The following EYS variants were observed in gnomAD, a reference collection of about 807,000 sequenced individuals.
EYS encodes the protein protein eyes shut homolog.
A neutral mutation model predicts 282.1 loss-of-function variants in EYS; 250 were observed. That is an observed-to-expected ratio of 0.89 (90% CI 0.80 to 0.98). The LOEUF is 0.98. Among genes scored for constraint, EYS ranks in the 50% least tolerant of loss-of-function variants. EYS has a pLI of 0.00. For missense variants in EYS, 4,016 were observed against 3,709.0 expected (o/e 1.08, Z -2.15); for synonymous variants, 1,355 against 1,282.9 (o/e 1.06, Z -1.20).
At chr6:64,326,229 T>A (rs1770417395) in intron 29 of EYS, among the ~76,000 whole-genome samples, 1 of 152,106 alleles carries the variant, frequency 6.6e-6, no homozygotes, top group Non-Finnish European at 1.5e-5. Context: ...AAAGAGAATA[T>A]TAACAGCCTG....
chr6:64,730,474 A>C (rs185280294), intron 22 of EYS, among the ~76,000 whole-genome samples: 509 of 152,088 alleles, frequency 3.3e-3, no homozygotes, highest in Non-Finnish European at 5.9e-3. Flanking sequence ...AACAACTTTT[A>C]CTTTTACTTA....
chr6:64,558,610 T>C (rs1029575076), intron 26 of EYS, among the ~76,000 whole-genome samples: 1 of 152,142 alleles, frequency 6.6e-6, no homozygotes, highest in African/African-American at 2.4e-5. Flanking sequence ...AATTCCCATC[T>C]CCAGGCCAGC....
intron 13 of EYS, among the ~76,000 whole-genome samples, chr6:65,007,124 T>C (rs1206159032): frequency 6.6e-6 from 1 of 151,978 alleles, no homozygotes; most frequent in Non-Finnish European, 1.5e-5. Flanking sequence ...GTAAAACAGA[T>C]GCAGGACTGC....
intron 12 of EYS, among the ~76,000 whole-genome samples, chr6:65,210,925 C>A (rs1239409593): frequency 7.4e-6 from 1 of 134,294 alleles, no homozygotes; most frequent in Non-Finnish European, 1.6e-5. Context: ...CCTATAAAGT[C>A]GTACAAACAC....
rs2150466493 is a variant in EYS, at chr6:64,439,327, T to C, written c.5670A>G (p.Gly1890=). 5 of 1,508,876 alleles carry C rather than the reference T, an allele frequency of 3.3e-6. No individual in the cohort carries two copies. Among genetic ancestry groups the C allele is most frequent in the Middle Eastern group, 1.7e-4 (1 of 5,848 alleles). 93.5% of individuals were successfully genotyped at this position (1,508,876 alleles called of 1,614,324 possible). A position where few individuals can be genotyped will look rare whatever the true frequency, so the allele number is the denominator to read the frequency against. The part of the protein sequence containing the change: ...ISDFSCVRYY[G]DSYLEFQNVA... Reference sequence around the variant, plus strand: ...CATTCTGAAATTCTAGATAAGAATCTCCATAATAACGAACACAACTGAAAT... The same window carrying C: ...CATTCTGAAATTCTAGATAAGAATCCCCATAATAACGAACACAACTGAAAT... Residue 1890 remains glycine, a synonymous_variant, in exon 27 of 43, where the codon GGA becomes GGG. Coordinates refer to ENST00000503581, the MANE Select transcript of EYS (RefSeq NM_001142800.2).
In EYS at chr6:63,984,385, G is replaced by A. The variant is rs377036936; in HGVS notation, c.7053C>T (p.Ile2351=). 1.3e-6 allele frequency: 2 copies of A among 1,545,392 alleles called. No homozygotes were observed. The highest frequency in any genetic ancestry group is 4.9e-5 in the East Asian group (2 of 40,822). ...HHLCRNNGTC[I]SDNENLFCEC... ...GGAATCAGGAGACTAATACTGACCT[G>A]ATGCAGGTGCCATTGTTGCGGCACA... The change falls in exon 35 of 43, where the codon ATC becomes ATT. Residue 2351 remains isoleucine (I), a splice_region_variant and synonymous_variant. Coordinates refer to ENST00000503581, the MANE Select transcript of EYS (RefSeq NM_001142800.2).
intron 12 of EYS, among the ~76,000 whole-genome samples, chr6:65,136,960 G>C (rs1035733777): frequency 8.5e-5 from 13 of 152,068 alleles, no homozygotes; most frequent in African/African-American, 3.1e-4. Flanking sequence ...GGGATTACAG[G>C]TGTGAGCCAC....
At chr6:64,819,089 C>A (rs1021185614) in intron 21 of EYS, among the ~76,000 whole-genome samples, 1 of 152,072 alleles carries the variant, frequency 6.6e-6, no homozygotes, top group African/African-American at 2.4e-5. Context: ...GCCTCTTTAG[C>A]CTTGAAAAAC....
chr6:64,613,559 T>C (rs757347721), intron 24 of EYS, among the ~76,000 whole-genome samples: 7 of 151,988 alleles, frequency 4.6e-5, no homozygotes, highest in Non-Finnish European at 8.8e-5. Flanking sequence ...CCCCCAAACA[T>C]TGGAGAGACA....
At chr6:64,455,695 A>G (rs2150481098) in intron 26 of EYS, among the ~76,000 whole-genome samples, 1 of 152,204 alleles carries the variant, frequency 6.6e-6, no homozygotes, top group African/African-American at 2.4e-5. Context: ...ATGAGTGAGA[A>G]CATGTGGTGT....
intron 35 of EYS, among the ~76,000 whole-genome samples, chr6:63,930,755 T>C (rs1194491485): frequency 6.6e-6 from 1 of 152,170 alleles, no homozygotes; most frequent in Non-Finnish European, 1.5e-5. Flanking sequence ...CCTCCAATAC[T>C]GCAGGAAAGT....
chr6:65,275,979 T>TA lies in EYS; in HGVS notation c.2023+19883dup, dbSNP rs201058528. Among the ~76,000 whole-genome samples, 282 of 151,622 alleles carry TA rather than the reference T, an allele frequency of 1.9e-3. 9 individuals are homozygous for TA. The East Asian group carries it at 0.043, about 23-fold the overall frequency. On this transcript the variant is annotated intron_variant, in intron 12 of 42. Transcript: ENST00000503581. Reference sequence around the variant, plus strand: ...GTATTCCACATAACACTGCTTCTAATAAAAAAACAAAACAAACAAACAAAC... The same window carrying TA: ...GTATTCCACATAACACTGCTTCTAATAAAAAAAACAAAACAAACAAACAAAC...
intron 22 of EYS, 118 bp downstream of exon 22, chr6:64,813,259 TA>T (rs1408458543): frequency 1.5e-6 from 1 of 647,450 alleles, no homozygotes. Context: ...CTTATATATA[TA>T]TAAGGTAAAA....
intron 29 of EYS, among the ~76,000 whole-genome samples, chr6:64,325,582 G>T (rs1770385281): frequency 6.6e-6 from 1 of 152,132 alleles, no homozygotes. Flanking sequence ...TGATTTACCT[G>T]AAAAAGAATT....
At chr6:65,174,141 A>G (rs1307766199) in intron 12 of EYS, among the ~76,000 whole-genome samples, 2 of 151,270 alleles carry the variant, frequency 1.3e-5, no homozygotes, top group African/African-American at 4.8e-5. Flanking sequence ...CACAAACCCA[A>G]CAGATGGTAA....
intron 26 of EYS, among the ~76,000 whole-genome samples, chr6:64,472,925 G>T (rs1776160685): frequency 6.6e-6 from 1 of 152,066 alleles, no homozygotes; most frequent in African/African-American, 2.4e-5. Flanking sequence ...AAAGATGAAA[G>T]ACTGTACTTT....
chr6:64,791,949 A>G (rs968584698), intron 22 of EYS, among the ~76,000 whole-genome samples: 1 of 151,970 alleles, frequency 6.6e-6, no homozygotes, highest in African/African-American at 2.4e-5. Flanking sequence ...GTTTAAAATA[A>G]TAGTATTATT....
chr6:63,953,156 C>A (rs1765671548), intron 35 of EYS, among the ~76,000 whole-genome samples: 1 of 152,082 alleles, frequency 6.6e-6, no homozygotes, highest in East Asian at 1.9e-4. Context: ...TTCCCCTGCA[C>A]CCCTCATCCC....
chr6:65,121,278 T>A (rs1260805830), intron 12 of EYS, among the ~76,000 whole-genome samples: 1 of 152,166 alleles, frequency 6.6e-6, no homozygotes, highest in Non-Finnish European at 1.5e-5. Context: ...AACAGTCTTC[T>A]CTGTTTAGAG....
Sources: gnomAD v4.1 joint callset for allele counts (sites outside exome capture counted in the v4.1 genomes callset) on GRCh38, gnomAD v4.1.1 for gene constraint, MANE v1.5 for transcripts, NCBI Gene and HGNC (gene_info 2026-07-23, HGNC 2026-07-21) for gene names.